Variants in STAB2 observed in about 807,000 individuals in gnomAD.
The protein encoded by STAB2 is stabilin 2.
Under a neutral mutation model 338.1 loss-of-function variants are expected in STAB2, and 288 were observed. The observed-to-expected ratio is 0.85, with a 90% CI of 0.77 to 0.94. The LOEUF (loss-of-function observed/expected upper bound fraction) is 0.94. Ranked by LOEUF, STAB2 falls within the 40% of genes least tolerant of loss-of-function variation. The pLI, the probability that STAB2 is intolerant of heterozygous loss-of-function variation, is 0.00. For missense variants in STAB2, 3,141 were observed against 3,210.1 expected, an observed-to-expected ratio of 0.98 and a Z score of 0.52; for synonymous variants, 1,202 against 1,193.3, an observed-to-expected ratio of 1.01 and a Z score of -0.15.
At chr12:103,675,699 C>T (rs1169296461) in intron 23 of STAB2, among the ~76,000 whole-genome samples, 4 of 152,228 alleles carry the variant, frequency 2.6e-5, no homozygotes, top group African/African-American at 9.6e-5. Flanking sequence ...TGTTAAGGGA[C>T]TCGTGCAGTG....
At chr12:103,737,596 CTCTCTT>C (rs765105561) in intron 52 of STAB2, 32 bp from the exon 53 acceptor site, 27 of 1,353,008 alleles carry the variant, frequency 2.0e-5, no homozygotes, top group Middle Eastern at 2.3e-4. Flanking sequence ...CTCTCTCTCT[CTCTCTT>C]TCTCTTTTTT....
chr12:103,699,353 T>C, intron 34 of STAB2, 126 bp downstream of exon 34: 1 of 1,226,700 alleles, frequency 8.2e-7, no homozygotes, highest in Non-Finnish European at 1.1e-6. Context: ...TTCACACTGC[T>C]GATAAAGACA....
intron 65 of STAB2, among the ~76,000 whole-genome samples, chr12:103,760,939 G>A (rs900134043): frequency 5.3e-5 from 8 of 152,250 alleles, no homozygotes; most frequent in Admixed American, 1.3e-4. Context: ...TTAAAATACA[G>A]CTTTTCTAAC....
intron 4 of STAB2, among the ~76,000 whole-genome samples, chr12:103,620,953 T>A (rs1449642575): frequency 1.3e-5 from 2 of 151,918 alleles, no homozygotes; most frequent in Non-Finnish European, 2.9e-5. Context: ...AAAAATTAGC[T>A]GGGTGTGGTG....
At chr12:103,653,604 CTGGATGGA>C (rs375522471) in intron 12 of STAB2, among the ~76,000 whole-genome samples, 25 of 123,652 alleles carry the variant, frequency 2.0e-4, no homozygotes, top group African/African-American at 5.5e-4. Flanking sequence ...GGATAGGTCA[CTGGATGGA>C]TGGATGGATG....
At chr12:103,628,310 G>A (rs703619) in intron 5 of STAB2, among the ~76,000 whole-genome samples, 65,308 of 152,008 alleles carry the variant, frequency 0.43, 15,662 homozygotes, top group Non-Finnish European at 0.56. Flanking sequence ...GATAATGCAT[G>A]ACAACACACT....
At chr12:103,766,110 AC>A (rs1200034883) in intron 68 of STAB2, 175 bp from the exon 69 acceptor site, 8 of 825,602 alleles carry the variant, frequency 9.7e-6, no homozygotes, top group East Asian at 2.7e-5. Flanking sequence ...AGGTGGCCCT[AC>A]CCCCAGCCCA....
Position 103,620,947 on chromosome 12 carries a change from A to C in STAB2, c.417+394A>C, listed in dbSNP as rs138845974. The stretch of plus-strand genomic sequence containing the variant: ...CCCCGTCTCCACTAAAAATACAAAA[A>C]TTAGCTGGGTGTGGTGGTGGGCGCC... On this transcript the variant is annotated intron_variant, in intron 4 of 68. Coordinates refer to ENST00000388887, the MANE Select transcript of STAB2 (RefSeq NM_017564.10). 9.9e-3 allele frequency among the ~76,000 whole-genome samples: 1,512 copies of C among 152,168 alleles called. 16 individuals are homozygous for C. The highest frequency in any genetic ancestry group is 0.031 in the Middle Eastern group (9 of 294).
intron 34 of STAB2, among the ~76,000 whole-genome samples, chr12:103,700,615 A>G (rs1310966241): frequency 1.3e-5 from 2 of 152,176 alleles, no homozygotes; most frequent in Non-Finnish European, 2.9e-5. Context: ...ATTGGTAATT[A>G]TGGTATTGAC....
At position 103,763,497 on chromosome 12, in the gene STAB2, A is replaced by G. The variant is rs764537497; in HGVS notation, c.7494A>G (p.Glu2498=). ...RTIGFQHFES[E]EDINVAALGK... ...ATGCTTGTCTTTCCAAACAGTCGGA[A>G]GAGGACATTAATGTTGCAGCTCTTG... is the stretch of plus-strand genomic sequence containing the variant. Residue 2498 remains glutamate (E), a synonymous_variant, in exon 68 of 69, where the codon GAA becomes GAG. Coordinates refer to ENST00000388887, the MANE Select transcript of STAB2 (RefSeq NM_017564.10). 11 of 1,613,918 alleles carry G rather than the reference A, an allele frequency of 6.8e-6. No individual in the cohort carries two copies. The highest frequency in any genetic ancestry group is 9.3e-6 in the Non-Finnish European group (11 of 1,179,936).
In STAB2 at chr12:103,670,763, A is replaced by G. The variant is rs530762794; in HGVS notation, c.2327A>G (p.Gln776Arg). The change falls in exon 22 of 69, where the codon CAG becomes CGG. Residue 776 changes from glutamine to arginine, a missense_variant. Transcript: ENST00000388887. ...GAGGGCTTCCAAGGCTCCCAGTGTCAGTTCTGCTCTGATCCCAATAAATAC... is the reference window on the plus strand; with the variant it reads ...GAGGGCTTCCAAGGCTCCCAGTGTCGGTTCTGCTCTGATCCCAATAAATAC... ...CEEGFQGSQCQFCSDPNKYGP... is the reference protein window; with the variant it reads ...CEEGFQGSQCRFCSDPNKYGP... 2 of 1,614,186 alleles carry G rather than the reference A, an allele frequency of 1.2e-6. No individual in the cohort carries two copies. Among genetic ancestry groups the G allele is most frequent in the African/African-American group, 2.7e-5 (2 of 75,070 alleles).
intron 35 of STAB2, 106 bp downstream of exon 35, chr12:103,703,382 C>G: frequency 1.5e-6 from 2 of 1,349,900 alleles, no homozygotes; most frequent in Non-Finnish European, 2.0e-6. Context: ...TCAATTCAGT[C>G]CATAAACCAC....
At chr12:103,636,700 G>A (rs964947135) in intron 6 of STAB2, among the ~76,000 whole-genome samples, 1 of 152,056 alleles carries the variant, frequency 6.6e-6, no homozygotes, top group African/African-American at 2.4e-5. Context: ...AGCCCAACTT[G>A]TTCACTTTGC....
At chr12:103,590,635 A>G (rs769476430) in intron 1 of STAB2, among the ~76,000 whole-genome samples, 9 of 152,196 alleles carry the variant, frequency 5.9e-5, no homozygotes, top group Non-Finnish European at 1.3e-4. Flanking sequence ...TTCAGACTCT[A>G]TCTCAGGTAT....
intron 37 of STAB2, among the ~76,000 whole-genome samples, chr12:103,706,377 A>G (rs1879347317): frequency 6.6e-6 from 1 of 152,184 alleles, no homozygotes; most frequent in Non-Finnish European, 1.5e-5. Context: ...CCTCACCTGC[A>G]GAGGCCTCCT....
chr12:103,726,241 C>A, intron 46 of STAB2, 78 bp downstream of exon 46: 1 of 1,516,362 alleles, frequency 6.6e-7, no homozygotes, highest in Non-Finnish European at 9.1e-7. Flanking sequence ...GTAATTCCAA[C>A]ACTTTGGGAG....
At chr12:103,742,121 G>A (rs1162586730) in intron 55 of STAB2, among the ~76,000 whole-genome samples, 1 of 152,072 alleles carries the variant, frequency 6.6e-6, no homozygotes, top group East Asian at 1.9e-4. Flanking sequence ...GAAAACAAAA[G>A]CTCAGAGCAA....
intron 15 of STAB2, among the ~76,000 whole-genome samples, 197 bp downstream of exon 15, chr12:103,655,778 G>C (rs750106261): frequency 6.6e-6 from 1 of 152,100 alleles, no homozygotes; most frequent in African/African-American, 2.4e-5. Flanking sequence ...CAGTCTCTTC[G>C]ATAGAATTTC....
chr12:103,685,407 C>T (rs957521544), intron 27 of STAB2, among the ~76,000 whole-genome samples: 48 of 150,604 alleles, frequency 3.2e-4, no homozygotes, highest in African/African-American at 1.1e-3. Flanking sequence ...CTGGGCTACC[C>T]TTTGCTTACC....
Sources: allele counts gnomAD v4.1 joint callset (sites outside exome capture counted in the v4.1 genomes callset), GRCh38; gene constraint gnomAD v4.1.1; transcripts MANE v1.5; gene names NCBI Gene and HGNC (gene_info 2026-07-23, HGNC 2026-07-21).